Variants in PLAC8L1 observed in about 807,000 individuals in gnomAD.
The protein encoded by PLAC8L1 is PLAC8-like protein 1.
In PLAC8L1, 13 loss-of-function variants were observed where a neutral mutation model predicts 16.3. The observed-to-expected ratio is 0.80, with a 90% confidence interval of 0.52 to 1.27. The LOEUF is 1.27. Ranked by LOEUF, PLAC8L1 falls within the 50% of genes most tolerant of loss-of-function variation. The pLI is 0.00. For missense variants in PLAC8L1, 184 were observed against 220.2 expected (o/e 0.84, Z 1.04); for synonymous variants, 78 against 79.3 (o/e 0.98, Z 0.09).
intron 2 of PLAC8L1, among the ~76,000 whole-genome samples, chr5:146,090,258 G>A (rs1763589413): frequency 6.6e-6 from 1 of 152,092 alleles, no homozygotes. Context: ...TCTTGGCCGG[G>A]CACAGTGGCT....
rs1763891843 is a variant in PLAC8L1, at chr5:146,105,364, T to C, written c.-1053A>G. Among the ~76,000 whole-genome samples, 3 of 152,090 alleles carry C rather than the reference T, an allele frequency of 2.0e-5. No individual in the cohort carries two copies. Among genetic ancestry groups the C allele is most frequent in the African/African-American group, 7.2e-5 (3 of 41,400 alleles). ...ATAGCTTCATAACTGCCTTCAATCATGGGGTTCTGGGCAACTGTCATTGTC... is the reference window on the plus strand; with the variant it reads ...ATAGCTTCATAACTGCCTTCAATCACGGGGTTCTGGGCAACTGTCATTGTC... On this transcript the variant is annotated 5_prime_UTR_variant, in exon 1 of 4. An upstream start codon of the reference 5' UTR is lost. Coordinates refer to ENST00000311450, the MANE Select transcript of PLAC8L1 (RefSeq NM_001029869.3).
At chr5:146,102,811 C>A (rs1163093624) in intron 1 of PLAC8L1, among the ~76,000 whole-genome samples, 3 of 152,176 alleles carry the variant, frequency 2.0e-5, no homozygotes, top group Non-Finnish European at 2.9e-5. Context: ...TCAGCTCTGG[C>A]CTCCTCCTCC....
intron 2 of PLAC8L1, among the ~76,000 whole-genome samples, chr5:146,095,607 G>T (rs532472472): frequency 4.3e-4 from 66 of 152,290 alleles, no homozygotes; most frequent in African/African-American, 1.6e-3. Flanking sequence ...TAATAGCTAA[G>T]ATTTACTAAG....
At chr5:146,091,599 C>T (rs112358920) in intron 2 of PLAC8L1, among the ~76,000 whole-genome samples, 4,886 of 151,846 alleles carry the variant, frequency 0.032, 260 homozygotes, top group African/African-American at 0.11. Flanking sequence ...GAGTTTGAGA[C>T]CAGCCTGGGA....
At chr5:146,103,366 C>T (rs541649511) in intron 1 of PLAC8L1, among the ~76,000 whole-genome samples, 1 of 152,244 alleles carries the variant, frequency 6.6e-6, no homozygotes, top group African/African-American at 2.4e-5. Context: ...ACCATGTTGG[C>T]TAGGCTGGTC....
chr5:146,093,243 G>A (rs1229416327), intron 2 of PLAC8L1, among the ~76,000 whole-genome samples: 5 of 152,038 alleles, frequency 3.3e-5, no homozygotes. Context: ...GTGGACTCAA[G>A]TAAAGGTATT....
At chr5:146,087,156 G>A (rs759064744) in intron 2 of PLAC8L1, among the ~76,000 whole-genome samples, 4 of 151,992 alleles carry the variant, frequency 2.6e-5, no homozygotes, top group African/African-American at 4.8e-5. Context: ...GGCTTCTTTC[G>A]TTCAACATCA....
At chr5:146,090,226 G>C (rs542251168) in intron 2 of PLAC8L1, among the ~76,000 whole-genome samples, 68 of 152,060 alleles carry the variant, frequency 4.5e-4, no homozygotes, top group African/African-American at 1.6e-3. Flanking sequence ...CCAAGGATAA[G>C]TATCTAGAAT....
At chr5:146,088,784 C>T (rs915680557) in intron 2 of PLAC8L1, among the ~76,000 whole-genome samples, 1 of 152,118 alleles carries the variant, frequency 6.6e-6, no homozygotes, top group Non-Finnish European at 1.5e-5. Flanking sequence ...CAGGCCCCAC[C>T]CAGCCCGGAT....
intron 2 of PLAC8L1, among the ~76,000 whole-genome samples, chr5:146,094,242 C>T (rs1303770159): frequency 1.3e-5 from 2 of 152,066 alleles, no homozygotes; most frequent in East Asian, 3.9e-4. Flanking sequence ...ACCACCATGC[C>T]CAGCTAATTT....
chr5:146,103,540 G>A (rs1763858037), intron 1 of PLAC8L1: 1 of 581,890 alleles, frequency 1.7e-6, no homozygotes, highest in East Asian at 1.4e-4. Context: ...GGTTTTCCCA[G>A]GATAGGGAAG....
At position 146,084,585 on chromosome 5, in the gene PLAC8L1, C is replaced by T. The variant is rs747760566; in HGVS notation, c.394-13G>A. 3 of 1,613,004 alleles carry T rather than the reference C, an allele frequency of 1.9e-6. No individual in the cohort carries two copies. Among genetic ancestry groups the T allele is most frequent in the Non-Finnish European group, 2.5e-6 (3 of 1,179,912 alleles). On this transcript the variant is annotated splice_polypyrimidine_tract_variant and intron_variant, in intron 3 of 3. Coordinates refer to ENST00000311450, the MANE Select transcript of PLAC8L1 (RefSeq NM_001029869.3). ...CACACAGTGTGCCCTAGGGCAAGAC[C>T]AGAATCTGTTCTGTTGTAGTCACAC...
intron 2 of PLAC8L1, among the ~76,000 whole-genome samples, chr5:146,088,500 G>C (rs1025847118): frequency 3.9e-5 from 6 of 152,034 alleles, no homozygotes; most frequent in Non-Finnish European, 7.4e-5. Flanking sequence ...GTGACAAAGA[G>C]GCAAAAAACT....
chr5:146,091,873 A>G (rs1763624284), intron 2 of PLAC8L1, among the ~76,000 whole-genome samples: 2 of 152,166 alleles, frequency 1.3e-5, no homozygotes, highest in South Asian at 4.1e-4. Context: ...TTTGCAAGGT[A>G]AATGTATTGT....
intron 3 of PLAC8L1, among the ~76,000 whole-genome samples, chr5:146,085,098 T>G (rs1326018214): frequency 7.2e-6 from 1 of 138,198 alleles, no homozygotes; most frequent in African/African-American, 2.5e-5. Flanking sequence ...TTCTGTGCCT[T>G]ACTTTTTTTT....
At chr5:146,091,056 A>G (rs1161283180) in intron 2 of PLAC8L1, among the ~76,000 whole-genome samples, 2 of 116,596 alleles carry the variant, frequency 1.7e-5, no homozygotes, top group Non-Finnish European at 3.4e-5. Context: ...CTCTGTCTCG[A>G]AAAAAAAAAA....
chr5:146,084,479 CT>C lies in PLAC8L1; in HGVS notation c.486del (p.Val163SerfsTer9), dbSNP rs1763473411. 6.2e-7 allele frequency: 1 copy of C among 1,614,090 alleles called. No homozygotes were observed. The highest frequency in any genetic ancestry group is 1.3e-5 in the African/African-American group (1 of 74,946). On this transcript the variant is annotated frameshift_variant, in exon 4 of 4. Coordinates refer to ENST00000311450, the MANE Select transcript of PLAC8L1 (RefSeq NM_001029869.3). LOFTEE classifies it high-confidence loss of function. ...ATTGGGACTGCACAGATTTCATAGA[CT>C]TGGGAGGTCCTCATCTTGAGTTCCC... ...VARELKMRTS[Q>X]VYEICAVPMT...
intron 2 of PLAC8L1, among the ~76,000 whole-genome samples, chr5:146,092,390 C>T (rs1416168591): frequency 6.6e-6 from 1 of 152,142 alleles, no homozygotes; most frequent in Non-Finnish European, 1.5e-5. Context: ...CAGATATACT[C>T]ACACACATGC....
chr5:146,096,672 AG>A (rs1763723455), intron 2 of PLAC8L1, among the ~76,000 whole-genome samples: 1 of 151,292 alleles, frequency 6.6e-6, no homozygotes, highest in African/African-American at 2.4e-5. Context: ...AGTGCACTGA[AG>A]TTCCCCCAAC....
Sources: gnomAD v4.1 joint callset for allele counts (sites outside exome capture counted in the v4.1 genomes callset) on GRCh38, gnomAD v4.1.1 for gene constraint, MANE v1.5 for transcripts, NCBI Gene and HGNC (gene_info 2026-07-23, HGNC 2026-07-21) for gene names.